AKAP19: variants seen among roughly 807,000 people sequenced by gnomAD.
AKAP19 encodes the protein A-kinase anchoring protein 19, also known as small A-kinase anchoring protein.
the AKAP19 span, among the ~76,000 whole-genome samples, chr2:190,051,339 G>A: frequency 1.3e-5 from 2 of 152,168 alleles, no homozygotes; most frequent in African/African-American, 2.4e-5. Flanking sequence ...ACCAGGTAAT[G>A]TACTAGGTAA....
At chr2:190,041,273 G>A in the AKAP19 span, among the ~76,000 whole-genome samples, 1 of 151,772 alleles carries the variant, frequency 6.6e-6, no homozygotes, top group Non-Finnish European at 1.5e-5. Flanking sequence ...TTATTCTTTT[G>A]TGGCAATTGG....
chr2:189,899,758 CCTTT>C, the AKAP19 span, among the ~76,000 whole-genome samples: 1 of 150,650 alleles, frequency 6.6e-6, no homozygotes, highest in African/African-American at 2.5e-5. Flanking sequence ...TACCCTCTTT[CCTTT>C]CTTTTATATT....
chr2:189,895,915 G>T, the AKAP19 span, among the ~76,000 whole-genome samples: 2 of 151,450 alleles, frequency 1.3e-5, no homozygotes, highest in African/African-American at 4.9e-5. Context: ...AGGGGCTGAG[G>T]CATAAGAATC....
chr2:189,944,011 G>A, the AKAP19 span, among the ~76,000 whole-genome samples: 1 of 152,178 alleles, frequency 6.6e-6, no homozygotes, highest in Non-Finnish European at 1.5e-5. Flanking sequence ...AAGAGACTTT[G>A]GACTTTTGCA....
the AKAP19 span, chr2:189,924,051 A>G: frequency 5.2e-6 from 8 of 1,540,694 alleles, no homozygotes; most frequent in Non-Finnish European, 7.2e-6. Flanking sequence ...GTGAAGATGG[A>G]GTCTGAGGGG....
At chr2:190,057,130 T>C in the AKAP19 span, 2 of 934,098 alleles carry the variant, frequency 2.1e-6, no homozygotes, top group African/African-American at 3.3e-5. Flanking sequence ...TTACATACTG[T>C]AGCTTATGCT....
chr2:190,062,364 C>G, the AKAP19 span: 3 of 1,613,376 alleles, frequency 1.9e-6, no homozygotes, highest in Non-Finnish European at 2.5e-6. Context: ...TAAAAGTTGT[C>G]TTATAACATC....
the AKAP19 span, among the ~76,000 whole-genome samples, chr2:190,158,541 T>C: frequency 6.6e-6 from 1 of 152,250 alleles, no homozygotes; most frequent in Non-Finnish European, 1.5e-5. Context: ...AATTTTGCCA[T>C]AAACAAGCTG....
the AKAP19 span, among the ~76,000 whole-genome samples, chr2:189,927,011 G>A: frequency 6.6e-6 from 1 of 151,922 alleles, no homozygotes; most frequent in Non-Finnish European, 1.5e-5. Context: ...AACCTCCCAA[G>A]TAGCTAGGGC....
the AKAP19 span, among the ~76,000 whole-genome samples, chr2:190,121,276 C>G: frequency 6.6e-6 from 1 of 152,008 alleles, no homozygotes; most frequent in Non-Finnish European, 1.5e-5. Flanking sequence ...CCACACCCAG[C>G]TAATTTTTTA....
chr2:190,089,345 G>T, the AKAP19 span, among the ~76,000 whole-genome samples: 1 of 151,314 alleles, frequency 6.6e-6, no homozygotes, highest in Non-Finnish European at 1.5e-5. Context: ...TATTTGATTA[G>T]CTATGTTTAA....
At chr2:190,072,383 C>A in the AKAP19 span, among the ~76,000 whole-genome samples, 1 of 152,030 alleles carries the variant, frequency 6.6e-6, no homozygotes. Context: ...ACCCAGGTAA[C>A]AAACCTGCAC....
chr2:190,034,550 A>AAAAAAAAAAAAAAAAG, the AKAP19 span, among the ~76,000 whole-genome samples: 1 of 150,100 alleles, frequency 6.7e-6, no homozygotes, highest in Non-Finnish European at 1.5e-5. Context: ...AAAAAAAAAA[A>AAAAAAAAAAAAAAAAG]AAAAAAAAAA....
At chr2:190,187,786 C>G in the AKAP19 span, among the ~76,000 whole-genome samples, 1 of 152,248 alleles carries the variant, frequency 6.6e-6, no homozygotes, top group East Asian at 1.9e-4. Flanking sequence ...CCCAGGAGTT[C>G]GAGGCTGCTG....
chr2:189,880,727 C>G, the AKAP19 span, among the ~76,000 whole-genome samples: 121 of 152,254 alleles, frequency 7.9e-4, 4 homozygotes, highest in South Asian at 0.024. Flanking sequence ...AATTGGGTCC[C>G]AAGTTTTTAT....
At chr2:190,168,172 G>A in the AKAP19 span, among the ~76,000 whole-genome samples, 1 of 152,216 alleles carries the variant, frequency 6.6e-6, no homozygotes, top group African/African-American at 2.4e-5. Flanking sequence ...TCAACACCCT[G>A]TGGAAGCTGC....
At chr2:189,980,801 C>A in the AKAP19 span, among the ~76,000 whole-genome samples, 1 of 152,136 alleles carries the variant, frequency 6.6e-6, no homozygotes, top group Non-Finnish European at 1.5e-5. Flanking sequence ...CAGGTGCAAG[C>A]TGTTTAGTTT....
chr2:189,911,498 C>T, the AKAP19 span, among the ~76,000 whole-genome samples: 1 of 152,210 alleles, frequency 6.6e-6, no homozygotes, highest in Admixed American at 6.5e-5. Flanking sequence ...ATGTCAAACA[C>T]TATGCCAGTA....
the AKAP19 span, among the ~76,000 whole-genome samples, chr2:190,104,608 G>A: frequency 6.6e-6 from 1 of 152,098 alleles, no homozygotes; most frequent in South Asian, 2.1e-4. Flanking sequence ...TGGGCAACAT[G>A]GCAAGACCCC....
Sources: gnomAD v4.1 joint callset for allele counts (sites outside exome capture counted in the v4.1 genomes callset) on GRCh38, gnomAD v4.1.1 for gene constraint, MANE v1.5 for transcripts, NCBI Gene and HGNC (gene_info 2026-07-23, HGNC 2026-07-21) for gene names.